Variants in PAWR observed in about 807,000 individuals in gnomAD.
The protein encoded by PAWR is pro-apoptotic WT1 regulator.
In PAWR, 23 loss-of-function variants were observed where a neutral mutation model predicts 32.0. That is an observed-to-expected ratio of 0.72 (90% CI 0.52 to 1.02). The LOEUF (loss-of-function observed/expected upper bound fraction) is 1.02, where lower values mean the gene tolerates loss of function less well. Ranked by LOEUF, PAWR falls within the 50% of genes least tolerant of loss-of-function variation. The probability of loss-of-function intolerance (pLI) is 0.00; values close to 1 mark genes in which losing one functional copy is unlikely to be tolerated. For missense variants in PAWR, 457 were observed against 437.7 expected (o/e 1.04, Z -0.39); for synonymous variants, 226 against 187.1 (o/e 1.21, Z -1.70).
chr12:79,623,613 T>C (rs1331040537), intron 2 of PAWR, among the ~76,000 whole-genome samples: 1 of 146,102 alleles, frequency 6.8e-6, no homozygotes, highest in Non-Finnish European at 1.5e-5. Flanking sequence ...AAACAGTACG[T>C]GCATGAAAAA....
At chr12:79,663,743 G>T (rs928129201) in intron 2 of PAWR, among the ~76,000 whole-genome samples, 5 of 151,840 alleles carry the variant, frequency 3.3e-5, no homozygotes, top group African/African-American at 1.2e-4. Flanking sequence ...CCTGGGCAAT[G>T]GAGTGAGACT....
At chr12:79,600,406 A>T (rs1277202568) in intron 4 of PAWR, among the ~76,000 whole-genome samples, 1 of 151,978 alleles carries the variant, frequency 6.6e-6, no homozygotes, top group African/African-American at 2.4e-5. Context: ...ATATATTTTT[A>T]AATTATTTAT....
At chr12:79,663,784 C>T (rs1325682981) in intron 2 of PAWR, among the ~76,000 whole-genome samples, 1 of 151,942 alleles carries the variant, frequency 6.6e-6, no homozygotes, top group Non-Finnish European at 1.5e-5. Context: ...AAAAAAAACC[C>T]TATTTATTTT....
intron 2 of PAWR, among the ~76,000 whole-genome samples, chr12:79,643,586 T>C (rs1270848434): frequency 6.6e-6 from 1 of 152,072 alleles, no homozygotes; most frequent in Non-Finnish European, 1.5e-5. Flanking sequence ...CAACAAGAAA[T>C]TTTTACAGAA....
At chr12:79,661,606 T>C (rs758977218) in intron 2 of PAWR, among the ~76,000 whole-genome samples, 13 of 152,222 alleles carry the variant, frequency 8.5e-5, no homozygotes, top group Non-Finnish European at 1.5e-4. Context: ...AATTTTATGT[T>C]AGTAACATTT....
At chr12:79,641,618 G>A (rs537229529) in intron 2 of PAWR, among the ~76,000 whole-genome samples, 50 of 152,180 alleles carry the variant, frequency 3.3e-4, no homozygotes, top group African/African-American at 1.2e-3. Context: ...GGAGGCCGAG[G>A]TGGGCGGATC....
rs1240200813 is a variant in PAWR at position 79,591,010 on chromosome 12, G to A, written c.*1597C>T. On this transcript the variant is annotated 3_prime_UTR_variant, in exon 7 of 7. Transcript: ENST00000328827. ...ATTCCAGGGTGTTCAATGGAATAAAGAAACAGCAGCAGCTGCTTCAAAAGT... is the reference window on the plus strand; with the variant it reads ...ATTCCAGGGTGTTCAATGGAATAAAAAAACAGCAGCAGCTGCTTCAAAAGT... The A allele has an allele frequency of 2.0e-5, 3 of 152,190 alleles. No homozygotes were observed. The highest frequency in any genetic ancestry group is 6.5e-5 in the Admixed American group (1 of 15,282). 9.4% of individuals were successfully genotyped at this position (152,190 alleles called of 1,614,324 possible).
chr12:79,623,434 A>G (rs958923199), intron 2 of PAWR, among the ~76,000 whole-genome samples: 7 of 152,330 alleles, frequency 4.6e-5, no homozygotes, highest in African/African-American at 1.7e-4. Flanking sequence ...AGGCGATTTT[A>G]ACATTAGAAA....
intron 2 of PAWR, among the ~76,000 whole-genome samples, chr12:79,623,079 A>C (rs184261339): frequency 6.6e-6 from 1 of 152,360 alleles, no homozygotes; most frequent in Admixed American, 6.5e-5. Flanking sequence ...AGCAATGCAG[A>C]GAACAGGAAC....
At chr12:79,604,386 G>C in intron 4 of PAWR, 1 of 1,016,882 alleles carries the variant, frequency 9.8e-7, no homozygotes, top group Non-Finnish European at 1.2e-6. Flanking sequence ...ACACCAGGGG[G>C]TGTTGTGTTG....
At chr12:79,638,555 A>T (rs1021843170) in intron 2 of PAWR, among the ~76,000 whole-genome samples, 1 of 151,680 alleles carries the variant, frequency 6.6e-6, no homozygotes, top group Admixed American at 6.6e-5. Flanking sequence ...AACTTAACTA[A>T]TCTCATATTT....
At chr12:79,645,139 T>A (rs2136783368) in intron 2 of PAWR, among the ~76,000 whole-genome samples, 1 of 152,084 alleles carries the variant, frequency 6.6e-6, no homozygotes, top group Admixed American at 6.6e-5. Flanking sequence ...AGTTGTACAG[T>A]GTCCAAGAGA....
At chr12:79,624,616 T>C (rs960313662) in intron 2 of PAWR, among the ~76,000 whole-genome samples, 7 of 152,172 alleles carry the variant, frequency 4.6e-5, no homozygotes, top group African/African-American at 1.7e-4. Flanking sequence ...TAGCAACCAG[T>C]GCAGTTCTTT....
chr12:79,628,018 C>A (rs576207280), intron 2 of PAWR, among the ~76,000 whole-genome samples: 11 of 152,240 alleles, frequency 7.2e-5, no homozygotes, highest in African/African-American at 2.6e-4. Context: ...TTTTCAGTAC[C>A]ACACCACACC....
At chr12:79,658,472 A>G (rs1877197216) in intron 2 of PAWR, among the ~76,000 whole-genome samples, 1 of 152,076 alleles carries the variant, frequency 6.6e-6, no homozygotes, top group South Asian at 2.1e-4. Context: ...GAGAAAAAAG[A>G]TTTTTTTGCC....
chr12:79,664,268 C>G (rs886406714), intron 2 of PAWR, among the ~76,000 whole-genome samples: 2 of 152,062 alleles, frequency 1.3e-5, no homozygotes, highest in African/African-American at 4.8e-5. Flanking sequence ...TCAAAAAGAT[C>G]TGGAAATAAA....
At chr12:79,670,901 A>G (rs1298260572) in intron 2 of PAWR, among the ~76,000 whole-genome samples, 1 of 149,094 alleles carries the variant, frequency 6.7e-6, no homozygotes. Context: ...TTATTTCCCT[A>G]GTTGACAGAC....
intron 4 of PAWR, among the ~76,000 whole-genome samples, chr12:79,599,649 A>C (rs1873886814): frequency 6.6e-6 from 1 of 152,242 alleles, no homozygotes; most frequent in African/African-American, 2.4e-5. Flanking sequence ...TGTGTTCATC[A>C]AATTGTAACA....
intron 2 of PAWR, among the ~76,000 whole-genome samples, chr12:79,654,721 G>T (rs1055601178): frequency 1.3e-5 from 2 of 152,174 alleles, no homozygotes; most frequent in African/African-American, 4.8e-5. Context: ...TTCTTCAAAA[G>T]GTGGCAGGAG....
Sources: gnomAD v4.1 joint callset for allele counts (sites outside exome capture counted in the v4.1 genomes callset) on GRCh38, gnomAD v4.1.1 for gene constraint, MANE v1.5 for transcripts, NCBI Gene and HGNC (gene_info 2026-07-23, HGNC 2026-07-21) for gene names.